Variants in HTR2C observed in about 807,000 individuals in gnomAD.
HTR2C encodes 5-hydroxytryptamine receptor 2C, also known as 5-hydroxytryptamine (serotonin) receptor 2C, G protein-coupled.
Under a neutral mutation model 21.0 loss-of-function variants are expected in HTR2C, and 5 were observed. That is an observed-to-expected ratio of 0.24 (90% CI 0.12 to 0.50). HTR2C has a LOEUF of 0.50. Among genes scored for constraint, HTR2C ranks in the 20% least tolerant of loss-of-function variants. The pLI is 0.98. For synonymous variants in HTR2C, 150 were observed against 145.3 expected, an observed-to-expected ratio of 1.03 and a Z score of -0.23; for missense variants, 271 against 371.2, an observed-to-expected ratio of 0.73 and a Z score of 2.22.
At chrX:114,895,730 G>C (rs1470213986) in intron 5 of HTR2C, among the ~76,000 whole-genome samples, 1 of 111,726 alleles carries the variant, frequency 9.0e-6, no homozygotes. Flanking sequence ...GCTCACGCCT[G>C]TAATCCCAGC....
intron 5 of HTR2C, among the ~76,000 whole-genome samples, chrX:114,849,614 T>TA (rs1326572485): frequency 8.9e-5 from 10 of 111,861 alleles, no homozygotes; most frequent in African/African-American, 3.3e-4. Flanking sequence ...AACCTGAATT[T>TA]AATTCTGGGA....
intron 2 of HTR2C, among the ~76,000 whole-genome samples, chrX:114,703,080 A>G (rs1932605913): frequency 9.7e-6 from 1 of 103,329 alleles, no homozygotes; most frequent in African/African-American, 3.5e-5. Context: ...GTGACCTACA[A>G]AGAGACTTAG....
chrX:114,700,598 A>G (rs138663556), intron 2 of HTR2C, among the ~76,000 whole-genome samples: 2,454 of 112,585 alleles, frequency 0.022, 69 homozygotes, highest in African/African-American at 0.075. Flanking sequence ...CCAAATAGGA[A>G]CAGCTCCAGT....
intron 1 of HTR2C, among the ~76,000 whole-genome samples, chrX:114,599,922 G>A (rs1036291535): frequency 2.7e-4 from 30 of 111,508 alleles, no homozygotes; most frequent in African/African-American, 9.8e-4. Flanking sequence ...TTAAACTATA[G>A]TATTACTGAA....
At position 114,610,767 on chromosome X, in the gene HTR2C, T is replaced by G. The variant is rs183591190; in HGVS notation, c.-146-3048T>G. 3.1e-3 allele frequency among the ~76,000 whole-genome samples: 343 copies of G among 111,103 alleles called. 1 individual carries two copies. Among genetic ancestry groups the G allele is most frequent in the African/African-American group, 0.011 (331 of 30,442 alleles). On this transcript the variant is annotated intron_variant, in intron 1 of 5. Coordinates refer to ENST00000276198, the MANE Select transcript of HTR2C (RefSeq NM_000868.4). ...GAGAGAAACTTGAAATGACAGAGCGTTAATCATAAAATGTATCTCAAATTT... is the reference window on the plus strand; with the variant it reads ...GAGAGAAACTTGAAATGACAGAGCGGTAATCATAAAATGTATCTCAAATTT...
chrX:114,892,443 A>G (rs967080629), intron 5 of HTR2C, among the ~76,000 whole-genome samples: 4 of 112,019 alleles, frequency 3.6e-5, no homozygotes, highest in African/African-American at 1.3e-4. Flanking sequence ...TAAATAAGGA[A>G]AAGTAAAGAA....
intron 4 of HTR2C, chrX:114,776,789 T>C: frequency 3.3e-6 from 1 of 304,945 alleles, no homozygotes; most frequent in South Asian, 4.5e-5. Flanking sequence ...TGCTGGCGTG[T>C]AGGGCCGGCT....
At chrX:114,756,547 C>T (rs1293489699) in intron 4 of HTR2C, among the ~76,000 whole-genome samples, 1 of 112,026 alleles carries the variant, frequency 8.9e-6, no homozygotes, top group Non-Finnish European at 1.9e-5. Flanking sequence ...GATGATTCTC[C>T]AGAGAATTAC....
chrX:114,633,947 T>TATAGAGAGAGAGAGAG (rs201763901), intron 2 of HTR2C, among the ~76,000 whole-genome samples: 20 of 92,181 alleles, frequency 2.2e-4, no homozygotes, highest in South Asian at 1.2e-3. Context: ...TATATATATA[T>TATAGAGAGAGAGAGAG]AGAGAGAGAG....
intron 4 of HTR2C, among the ~76,000 whole-genome samples, chrX:114,806,749 TACACC>T (rs2070452621): frequency 8.1e-5 from 1 of 12,369 alleles, no homozygotes; most frequent in African/African-American, 1.2e-4. Flanking sequence ...ACCATATATA[TACACC>T]ATATATATAC....
intron 4 of HTR2C, among the ~76,000 whole-genome samples, chrX:114,760,760 C>T (rs1285191281): frequency 2.7e-5 from 3 of 111,300 alleles, no homozygotes; most frequent in African/African-American, 9.8e-5. Context: ...TGGGCTCAAG[C>T]AATCCTCCCA....
At chrX:114,727,250 T>C (rs183893557) in intron 3 of HTR2C, among the ~76,000 whole-genome samples, 1 of 112,452 alleles carries the variant, frequency 8.9e-6, no homozygotes, top group African/African-American at 3.2e-5. Context: ...TCATGGCTAC[T>C]TTTTCCATGG....
At chrX:114,676,024 C>A (rs782512752) in intron 2 of HTR2C, among the ~76,000 whole-genome samples, 16 of 109,946 alleles carry the variant, frequency 1.5e-4, no homozygotes, top group Non-Finnish European at 2.7e-4. Flanking sequence ...CGCCTGCCAC[C>A]ACAACCAGCT....
At chrX:114,807,501 TATATAC>T (rs2070487679) in intron 4 of HTR2C, among the ~76,000 whole-genome samples, 9 of 64,083 alleles carry the variant, frequency 1.4e-4, no homozygotes, top group African/African-American at 4.6e-4. Context: ...ATATACCATA[TATATAC>T]ACCATATATA....
rs781873976 is a variant in HTR2C, at chrX:114,870,346, G to T, written c.550+22143G>T. ...ATCTGCCCACCTCGGCCTCCAAAAG[G>T]ACTAGGATTACAGGTGTGAGCCACC... On this transcript the variant is annotated intron_variant, in intron 5 of 5. Coordinates refer to ENST00000276198, the MANE Select transcript of HTR2C (RefSeq NM_000868.4). Among the ~76,000 whole-genome samples, 4 of 110,700 alleles carry T rather than the reference G, an allele frequency of 3.6e-5. No homozygotes were observed. The South Asian group carries it at 1.5e-3, about 43-fold the overall frequency.
At chrX:114,852,367 T>G (rs1556469508) in intron 5 of HTR2C, among the ~76,000 whole-genome samples, 4 of 110,157 alleles carry the variant, frequency 3.6e-5, no homozygotes, top group Non-Finnish European at 7.6e-5. Flanking sequence ...TTCTATTCCG[T>G]GGTTAACCCA....
chrX:114,815,177 C>T (rs1239272390), intron 4 of HTR2C, among the ~76,000 whole-genome samples: 1 of 109,096 alleles, frequency 9.2e-6, no homozygotes, highest in Admixed American at 1.0e-4. Flanking sequence ...TTTTACTTGT[C>T]AGCATCTCTT....
At chrX:114,759,225 T>C (rs2069842491) in intron 4 of HTR2C, among the ~76,000 whole-genome samples, 2 of 111,598 alleles carry the variant, frequency 1.8e-5, no homozygotes, top group Non-Finnish European at 3.8e-5. Context: ...TTGATTCCTA[T>C]CTTTTCCTCT....
intron 4 of HTR2C, among the ~76,000 whole-genome samples, chrX:114,815,607 C>T (rs1476756375): frequency 3.6e-5 from 4 of 111,331 alleles, no homozygotes; most frequent in Non-Finnish European, 7.6e-5. Context: ...TTGATGACCT[C>T]CAACCATCGT....
Sources: gnomAD v4.1 joint callset for allele counts (sites outside exome capture counted in the v4.1 genomes callset) on GRCh38, gnomAD v4.1.1 for gene constraint, MANE v1.5 for transcripts, NCBI Gene and HGNC (gene_info 2026-07-23, HGNC 2026-07-21) for gene names.